PDZK1: variants seen among roughly 807,000 people sequenced by gnomAD.
PDZK1 encodes the protein Na(+)/H(+) exchange regulatory cofactor NHE-RF3.
Under a neutral mutation model 38.1 loss-of-function variants are expected in PDZK1, and 23 were observed. The observed-to-expected ratio is 0.60, with a 90% CI of 0.43 to 0.85. The LOEUF (loss-of-function observed/expected upper bound fraction) is 0.85, where lower values mean the gene tolerates loss of function less well. Among genes scored for constraint, PDZK1 ranks in the 40% least tolerant of loss-of-function variants. The probability of loss-of-function intolerance (pLI) is 0.00; values close to 1 mark genes in which losing one functional copy is unlikely to be tolerated. For synonymous variants in PDZK1, 98 were observed against 186.2 expected (o/e 0.53, Z 3.86); for missense variants, 297 against 504.3 (o/e 0.59, Z 3.94).
rs149819115 is a variant in PDZK1, at chr1:145,675,922, G to A, written c.991-2041C>T. On this transcript the variant is annotated intron_variant, in intron 6 of 8. Coordinates refer to ENST00000417171, the MANE Select transcript of PDZK1 (RefSeq NM_001201325.2). Reference sequence around the variant, plus strand: ...AGTCCCAGCTACTTGAGAGACTGAGGCAGGAGACTCACTTGAACCTGGGAG... The same window carrying A: ...AGTCCCAGCTACTTGAGAGACTGAGACAGGAGACTCACTTGAACCTGGGAG... 3.8e-4 allele frequency among the ~76,000 whole-genome samples: 58 copies of A among 152,126 alleles called. 1 individual carries two copies. In the East Asian group the frequency reaches 0.011, roughly 28 times the overall value.
chr1:145,683,975 T>C (rs1464032209), intron 3 of PDZK1, among the ~76,000 whole-genome samples: 4 of 151,522 alleles, frequency 2.6e-5, no homozygotes, highest in African/African-American at 9.7e-5. Context: ...GCCTCTCGAG[T>C]AGCTGGGACT....
chr1:145,702,027 A>G (rs1188710141), intron 1 of PDZK1, among the ~76,000 whole-genome samples: 1 of 152,204 alleles, frequency 6.6e-6, no homozygotes, highest in Non-Finnish European at 1.5e-5. Context: ...TCCCATTGTG[A>G]TAGTTACTGT....
intron 1 of PDZK1, among the ~76,000 whole-genome samples, chr1:145,696,599 G>A (rs1032971052): frequency 1.3e-5 from 2 of 152,148 alleles, no homozygotes; most frequent in South Asian, 4.1e-4. Context: ...GGCCTCCGAG[G>A]ACCCAAACCT....
At position 145,686,833 on chromosome 1, in the gene PDZK1, A is replaced by G. The variant is rs1654816572; in HGVS notation, c.211-107T>C. On this transcript the variant is annotated intron_variant, in intron 2 of 8. Transcript: ENST00000417171. ...CTGGCCCTGGAGATGCTGCTAGTTG[A>G]CCCTTGACACCCAAGTAGAAGCAGG... 3.8e-5 allele frequency: 27 copies of G among 705,464 alleles called. No homozygotes were observed. In the South Asian group the frequency reaches 4.5e-4, roughly 12 times the overall value. The allele number at this position is 705,464 out of a possible 1,614,324, so 43.7% of individuals were successfully genotyped here. A position where few individuals can be genotyped will look rare whatever the true frequency, so the allele number is the denominator to read the frequency against.
Position 145,698,013 on chromosome 1 carries a change from A to G in PDZK1, c.-3+9304T>C, listed in dbSNP as rs767372482. ...ATGGAAACTGGGGTTAGCCTTGGTGAGAGGAAATACCTCTTCTCCAGGGGC... is the reference window on the plus strand; with the variant it reads ...ATGGAAACTGGGGTTAGCCTTGGTGGGAGGAAATACCTCTTCTCCAGGGGC... On this transcript the variant is annotated intron_variant, in intron 1 of 8. Transcript: ENST00000417171. 4.9e-4 allele frequency among the ~76,000 whole-genome samples: 74 copies of G among 152,026 alleles called. 1 individual carries two copies. The highest frequency in any genetic ancestry group is 9.7e-4 in the Non-Finnish European group (66 of 67,982).
intron 1 of PDZK1, among the ~76,000 whole-genome samples, chr1:145,693,667 G>A (rs1473991030): frequency 4.6e-5 from 7 of 151,866 alleles, no homozygotes; most frequent in East Asian, 1.9e-4. Flanking sequence ...CCAGCTACTC[G>A]GGAGGCTGAG....
chr1:145,676,099 T>C (rs1295005664), intron 6 of PDZK1: 1 of 342,932 alleles, frequency 2.9e-6, no homozygotes, highest in Non-Finnish European at 4.1e-6. Context: ...TAGAGGGTTG[T>C]GTTTTACTCA....
At chr1:145,682,760 T>G in intron 3 of PDZK1, 124 bp from the exon 4 acceptor site, 4 of 1,262,848 alleles carry the variant, frequency 3.2e-6, no homozygotes, top group Non-Finnish European at 4.5e-6. Context: ...CTACTTCATT[T>G]ACTGTCCCTA....
intron 1 of PDZK1, among the ~76,000 whole-genome samples, chr1:145,696,163 C>A: frequency 6.6e-6 from 1 of 152,332 alleles, no homozygotes; most frequent in South Asian, 2.1e-4. Context: ...TCAATTCGAA[C>A]ACAACTGTGC....
intron 1 of PDZK1, among the ~76,000 whole-genome samples, chr1:145,702,249 C>A (rs1301065903): frequency 2.0e-5 from 3 of 152,096 alleles, no homozygotes; most frequent in Non-Finnish European, 4.4e-5. Context: ...ATACTTTGTC[C>A]TATATGGCAA....
chr1:145,688,074 GGAGT>G, intron 1 of PDZK1, 51 bp from the exon 2 acceptor site: 1 of 1,454,108 alleles, frequency 6.9e-7, no homozygotes, highest in Non-Finnish European at 9.6e-7. Flanking sequence ...GAATCTAATT[GGAGT>G]GAGAACCCCA....
rs1553702203 is a variant in PDZK1 at position 145,687,877 on chromosome 1, G to A, written c.145C>T (p.Leu49Phe). The A allele has an allele frequency of 3.1e-6, 5 of 1,613,934 alleles. No homozygotes were observed. The highest frequency in any genetic ancestry group is 4.2e-6 in the Non-Finnish European group (5 of 1,179,966). ...CTAAGAACTCTGTCTCCATCTTGAA[G>A]GCCAGCCTTCTCTGCTGGGCTACAC... ...EKCSPAEKAG[L>F]QDGDRVLRIN... The change falls in exon 2 of 9, where the codon CTT (leucine) becomes TTT (phenylalanine). Residue 49 changes from leucine to phenylalanine, a missense_variant. Physicochemically the swap from Leu to Phe is conservative, Grantham distance 22. Around this residue, in one of 5 missense-constraint regions of PDZK1, gnomAD observed 159 missense variants for 200.0 expected, o/e 0.79. Transcript: ENST00000417171.
intron 1 of PDZK1, among the ~76,000 whole-genome samples, chr1:145,702,481 C>T (rs1189440288): frequency 6.8e-6 from 1 of 147,520 alleles, no homozygotes; most frequent in African/African-American, 2.4e-5. Context: ...TGCATTTCTA[C>T]CCCCCCACTT....
chr1:145,704,549 T>A (rs1321335027), intron 1 of PDZK1, among the ~76,000 whole-genome samples: 1 of 152,166 alleles, frequency 6.6e-6, no homozygotes, highest in African/African-American at 2.4e-5. Context: ...GGAACTAGGT[T>A]CTAATATGCC....
At chr1:145,696,207 C>T (rs1553704105) in intron 1 of PDZK1, among the ~76,000 whole-genome samples, 2 of 152,236 alleles carry the variant, frequency 1.3e-5, no homozygotes, top group Non-Finnish European at 2.9e-5. Flanking sequence ...GTTGCAAGGA[C>T]ACTGTAGCTC....
Position 145,671,023 on chromosome 1 carries a change from T to C in PDZK1, c.*413A>G, listed in dbSNP as rs1652974266. 1.3e-5 allele frequency: 2 copies of C among 159,512 alleles called. No individual in the cohort carries two copies. Among genetic ancestry groups the C allele is most frequent in the Admixed American group, 6.2e-5 (1 of 16,228 alleles). 9.9% of individuals were successfully genotyped at this position (159,512 alleles called of 1,614,324 possible). A position where few individuals can be genotyped will look rare whatever the true frequency, so the allele number is the denominator to read the frequency against. Reference sequence around the variant, plus strand: ...GGTATTTATTCTAGCAACCACAACATTGTTACAAAAGCACAATTTTAATAG... The same window carrying C: ...GGTATTTATTCTAGCAACCACAACACTGTTACAAAAGCACAATTTTAATAG... On this transcript the variant is annotated 3_prime_UTR_variant, in exon 9 of 9. Coordinates refer to ENST00000417171, the MANE Select transcript of PDZK1 (RefSeq NM_001201325.2).
chr1:145,688,601 GAC>G (rs1284044650), intron 1 of PDZK1, among the ~76,000 whole-genome samples: 2 of 152,126 alleles, frequency 1.3e-5, no homozygotes, highest in African/African-American at 4.8e-5. Context: ...CTGAAGGAAT[GAC>G]ACTTCCAAGA....
chr1:145,699,946 A>AG (rs1376954826), intron 1 of PDZK1, among the ~76,000 whole-genome samples: 2 of 152,200 alleles, frequency 1.3e-5, no homozygotes, highest in Non-Finnish European at 2.9e-5. Context: ...AGAGCATGCA[A>AG]GGCCTCTCAG....
At chr1:145,704,262 C>A (rs1656131159) in intron 1 of PDZK1, among the ~76,000 whole-genome samples, 2 of 152,164 alleles carry the variant, frequency 1.3e-5, no homozygotes, top group African/African-American at 4.8e-5. Context: ...CCATTGGGAC[C>A]CCATGGTTCT....
Sources: allele counts gnomAD v4.1 joint callset (sites outside exome capture counted in the v4.1 genomes callset), GRCh38; gene constraint gnomAD v4.1.1; regional missense constraint gnomAD v4.1.1; transcripts MANE v1.5; gene names NCBI Gene and HGNC (gene_info 2026-07-23, HGNC 2026-07-21).